The following PHYHD1 variants were observed in gnomAD, a reference collection of about 807,000 sequenced individuals.
PHYHD1 encodes the protein phytanoyl-CoA dioxygenase domain-containing protein 1.
A neutral mutation model predicts 43.6 loss-of-function variants in PHYHD1; 42 were observed. That is an observed-to-expected ratio of 0.96 (90% CI 0.75 to 1.25). The LOEUF (loss-of-function observed/expected upper bound fraction) is 1.25. PHYHD1 is among the 50% of genes most tolerant of loss of function. The pLI, the probability that PHYHD1 is intolerant of heterozygous loss-of-function variation, is 0.00. For missense variants in PHYHD1, 342 were observed against 370.8 expected (o/e 0.92, Z 0.64); for synonymous variants, 139 against 143.6 (o/e 0.97, Z 0.23).
chr9:128,932,184 A>ATTTTTTTTTT (rs1258300033), intron 4 of PHYHD1, among the ~76,000 whole-genome samples: 6 of 108,662 alleles, frequency 5.5e-5, no homozygotes, highest in Non-Finnish European at 8.5e-5. Flanking sequence ...TATTATTATT[A>ATTTTTTTTTT]TTTTTTTTTT....
chr9:128,926,971 G>T (rs757611031), intron 3 of PHYHD1, 67 bp from the exon 4 acceptor site: 1 of 1,609,498 alleles, frequency 6.2e-7, no homozygotes, highest in African/African-American at 1.3e-5. Flanking sequence ...CAGCTGCAAG[G>T]TTGAGGGAAG....
At chr9:128,940,278 C>A in intron 9 of PHYHD1, 91 bp from the exon 10 acceptor site, 1 of 1,551,834 alleles carries the variant, frequency 6.4e-7, no homozygotes, top group Non-Finnish European at 8.8e-7. Flanking sequence ...CCCTGGAGAG[C>A]ACCCAGAGGA....
At chr9:128,934,316 G>A (rs1255858207) in intron 6 of PHYHD1, among the ~76,000 whole-genome samples, 3 of 151,948 alleles carry the variant, frequency 2.0e-5, no homozygotes, top group Non-Finnish European at 4.4e-5. Flanking sequence ...TTGAACCTGG[G>A]AGGCGGATGT....
At position 128,940,846 on chromosome 9, in the gene PHYHD1, G is replaced by A. The variant is rs79102513; in HGVS notation, c.703+131G>A. On this transcript the variant is annotated intron_variant, in intron 11 of 12. Coordinates refer to ENST00000372592, the MANE Select transcript of PHYHD1 (RefSeq NM_001100876.2). ...GTGAAGTCACAGAAAGAGAAGGAGG[G>A]GCTGGATGGGCGCTGGGAAGTCAGG... 1.1e-3 allele frequency: 978 copies of A among 861,094 alleles called. 14 individuals are homozygous for A. The East Asian group carries it at 0.023, about 21-fold the overall frequency. 53.3% of individuals were successfully genotyped at this position (861,094 alleles called of 1,614,324 possible). A position where few individuals can be genotyped will look rare whatever the true frequency, so the allele number is the denominator to read the frequency against.
intron 4 of PHYHD1, among the ~76,000 whole-genome samples, chr9:128,932,819 C>T (rs1237109042): frequency 1.6e-5 from 2 of 125,958 alleles, no homozygotes; most frequent in Non-Finnish European, 3.2e-5. Flanking sequence ...TATTATTATT[C>T]CTTATTTATT....
intron 4 of PHYHD1, among the ~76,000 whole-genome samples, chr9:128,929,999 C>T (rs539110860): frequency 6.6e-6 from 1 of 151,172 alleles, no homozygotes; most frequent in African/African-American, 2.4e-5. Flanking sequence ...TAGTCGTGGC[C>T]GGGCATGGTG....
At position 128,933,996 on chromosome 9, in the gene PHYHD1, T is replaced by C. The variant is rs758017806; in HGVS notation, c.269-15T>C. ...GACACCAGTTCTCTGCCTTTATCTG[T>C]TCTTTGTGCCACAGGAAATTTCCTG... On this transcript the variant is annotated splice_polypyrimidine_tract_variant and intron_variant, in intron 5 of 12. Coordinates refer to ENST00000372592, the MANE Select transcript of PHYHD1 (RefSeq NM_001100876.2). 3 of 1,613,918 alleles carry C rather than the reference T, an allele frequency of 1.9e-6. No individual in the cohort carries two copies. The South Asian group carries it at 3.3e-5, about 18-fold the overall frequency.
rs1300851095 is a variant in PHYHD1 at position 128,927,287 on chromosome 9, A to G, written c.192+91A>G. 13 of 1,535,684 alleles carry G rather than the reference A, an allele frequency of 8.5e-6. No individual in the cohort carries two copies. In the Admixed American group the frequency reaches 2.2e-4, roughly 26 times the overall value. On this transcript the variant is annotated intron_variant, in intron 4 of 12. Coordinates refer to ENST00000372592, the MANE Select transcript of PHYHD1 (RefSeq NM_001100876.2). ...GCAGCATCGTGGAAGGGAGGATCCC[A>G]AGGCTCCAGGGTGTCAGGCCAAGCC...
intron 4 of PHYHD1, among the ~76,000 whole-genome samples, chr9:128,931,624 A>G (rs1016581087): frequency 2.0e-5 from 3 of 151,962 alleles, no homozygotes; most frequent in African/African-American, 7.3e-5. Flanking sequence ...TCCTGGGCTC[A>G]CGCCATTCTC....
intron 9 of PHYHD1, 40 bp downstream of exon 9, chr9:128,937,818 G>A (rs1265707866): frequency 1.9e-6 from 3 of 1,613,908 alleles, no homozygotes; most frequent in Non-Finnish European, 2.5e-6. Context: ...GGCCATGGGT[G>A]GGACATCTAA....
intron 8 of PHYHD1, among the ~76,000 whole-genome samples, chr9:128,937,151 C>T (rs1049097008): frequency 2.0e-5 from 3 of 151,692 alleles, no homozygotes; most frequent in Non-Finnish European, 4.4e-5. Context: ...CAGTGGCTCA[C>T]GCTTGTAATC....
chr9:128,923,070 G>A (rs544074066), intron 3 of PHYHD1, among the ~76,000 whole-genome samples: 3 of 149,948 alleles, frequency 2.0e-5, no homozygotes, highest in African/African-American at 2.5e-5. Context: ...TTAGCCTCCC[G>A]AATAGCTGGG....
chr9:128,937,445 CTG>C (rs1841452082), intron 8 of PHYHD1, among the ~76,000 whole-genome samples: 1 of 152,164 alleles, frequency 6.6e-6, no homozygotes, highest in Non-Finnish European at 1.5e-5. Flanking sequence ...CCATCTGACT[CTG>C]GGGCTGGAAG....
At position 128,922,317 on chromosome 9, in the gene PHYHD1, C is replaced by T. The variant is rs953601645; in HGVS notation, c.-7C>T. On this transcript the variant is annotated 5_prime_UTR_variant, in exon 3 of 13. Transcript: ENST00000372592. ...CTTAGAAGCCGCCCAGTGCCCTGAG[C>T]GTCTCCATGGCCTGCCTGAGCCCCT... 6.4e-7 allele frequency: 1 copy of T among 1,551,258 alleles called. No homozygotes were observed. Among genetic ancestry groups the T allele is most frequent in the Non-Finnish European group, 8.7e-7 (1 of 1,147,298 alleles).
At chr9:128,940,113 C>T (rs1841519088) in intron 9 of PHYHD1, among the ~76,000 whole-genome samples, 1 of 152,170 alleles carries the variant, frequency 6.6e-6, no homozygotes, top group Non-Finnish European at 1.5e-5. Context: ...ACTTTTCATA[C>T]ATCATCTCAT....
chr9:128,927,935 C>T (rs543037040), intron 4 of PHYHD1, among the ~76,000 whole-genome samples: 1 of 152,338 alleles, frequency 6.6e-6, no homozygotes, highest in East Asian at 1.9e-4. Flanking sequence ...TTTTCTCCCC[C>T]CAGTGACCGA....
intron 6 of PHYHD1, among the ~76,000 whole-genome samples, chr9:128,935,906 CTAAA>C (rs1299554911): frequency 6.6e-6 from 1 of 152,064 alleles, no homozygotes; most frequent in South Asian, 2.1e-4. Context: ...CATCTCAAAA[CTAAA>C]TAAATAAATA....
At chr9:128,937,731 C>T in intron 8 of PHYHD1, 26 bp from the exon 9 acceptor site, 1 of 1,613,844 alleles carries the variant, frequency 6.2e-7, no homozygotes, top group Non-Finnish European at 8.5e-7. Flanking sequence ...CTTCTGTCCT[C>T]ACCAGGCTTT....
chr9:128,933,183 C>T (rs1354406525), intron 4 of PHYHD1, among the ~76,000 whole-genome samples: 1 of 124,952 alleles, frequency 8.0e-6, no homozygotes, highest in Non-Finnish European at 1.6e-5. Flanking sequence ...GAGACAGAGT[C>T]TCACTCTGTC....
Sources: allele counts gnomAD v4.1 joint callset (sites outside exome capture counted in the v4.1 genomes callset), GRCh38; gene constraint gnomAD v4.1.1; transcripts MANE v1.5; gene names NCBI Gene and HGNC (gene_info 2026-07-23, HGNC 2026-07-21).